Variants in NMT1 observed in about 807,000 individuals in gnomAD.
NMT1 encodes the protein glycylpeptide N-tetradecanoyltransferase 1.
Under a neutral mutation model 63.4 loss-of-function variants are expected in NMT1, and 12 were observed. The observed-to-expected ratio is 0.19, with a 90% CI of 0.12 to 0.31. The LOEUF (loss-of-function observed/expected upper bound fraction) is 0.31. Ranked by LOEUF, NMT1 falls within the 10% of genes least tolerant of loss-of-function variation. The pLI is 1.00. For missense variants in NMT1, 432 were observed against 634.6 expected, an observed-to-expected ratio of 0.68 and a Z score of 3.43; for synonymous variants, 228 against 234.3, an observed-to-expected ratio of 0.97 and a Z score of 0.25.
rs769861451 is a variant in NMT1 at position 45,103,986 on chromosome 17, C to T, written c.1332+110C>T. 1.9e-6 allele frequency: 3 copies of T among 1,599,122 alleles called. No homozygotes were observed. The African/African-American group carries it at 4.0e-5, about 21-fold the overall frequency. On this transcript the variant is annotated intron_variant, in intron 10 of 11. Coordinates refer to ENST00000258960, the MANE Select transcript of NMT1 (RefSeq NM_021079.5). This position sits in a 1 kb window ranked among gnomAD's most constrained non-coding sequence, Gnocchi z 4.8. ...TCCCATGGGCTGGAGGCTCTGAGCC[C>T]TCCTCATCTGTTCTGCTTAGGCAGG...
chr17:45,102,400 C>A (rs1176280181), intron 8 of NMT1, among the ~76,000 whole-genome samples: 1 of 152,204 alleles, frequency 6.6e-6, no homozygotes, highest in South Asian at 2.1e-4. Context: ...TGGGAGTATG[C>A]TGCTTTTCTT....
At chr17:45,089,498 C>T (rs905606054) in intron 3 of NMT1, among the ~76,000 whole-genome samples, 2 of 152,008 alleles carry the variant, frequency 1.3e-5, no homozygotes, top group Admixed American at 6.6e-5. Flanking sequence ...CCCACCACCA[C>T]GCCCGGCTAA....
chr17:45,081,689 G>T lies in NMT1; in HGVS notation c.177G>T (p.Lys59Asn). Reference protein sequence around the residue: ...ANDTGAKKKKKKQKKKKEKGS... With the variant: ...ANDTGAKKKKNKQKKKKEKGS... ...ACACTGGAGCCAAAAAGAAGAAAAA[G>T]AAACAAAAAAAGAAGAAAGAAAAAG... Residue 59 changes from lysine to asparagine, a missense_variant, in exon 2 of 12, where the codon AAG becomes AAT. Lys to Asn is a moderately conservative substitution (Grantham distance 94). Transcript: ENST00000258960. 6.2e-7 allele frequency: 1 copy of T among 1,612,936 alleles called. No homozygotes were observed. The highest frequency in any genetic ancestry group is 8.5e-7 in the Non-Finnish European group (1 of 1,179,398).
chr17:45,105,074 G>T lies in NMT1; in HGVS notation c.1470+78G>T. Reference sequence around the variant, plus strand: ...TCCAGCAGAAACCGGGCCATGGGTTGAGGAGACAGCCGCAGTCTGGGTCCT... The same window carrying T: ...TCCAGCAGAAACCGGGCCATGGGTTTAGGAGACAGCCGCAGTCTGGGTCCT... On this transcript the variant is annotated intron_variant, in intron 11 of 11. Transcript: ENST00000258960. The surrounding 1 kb of genome is among the most constrained non-coding windows in gnomAD (Gnocchi z 4.2). 4 of 1,584,008 alleles carry T rather than the reference G, an allele frequency of 2.5e-6. No homozygotes were observed. Among genetic ancestry groups the T allele is most frequent in the Non-Finnish European group, 3.4e-6 (4 of 1,159,822 alleles).
At position 45,105,792 on chromosome 17, in the gene NMT1, A is replaced by C; in HGVS notation, c.*153A>C. On this transcript the variant is annotated 3_prime_UTR_variant, in exon 12 of 12. Coordinates refer to ENST00000258960, the MANE Select transcript of NMT1 (RefSeq NM_021079.5). The surrounding 1 kb of genome is among the most constrained non-coding windows in gnomAD (Gnocchi z 4.2). Reference sequence around the variant, plus strand: ...TTACCAAACCGCCAGCGAACTTGACAATTGTATTGCGATGGCGTGGGCTGC... The same window carrying C: ...TTACCAAACCGCCAGCGAACTTGACCATTGTATTGCGATGGCGTGGGCTGC... 1 of 690,262 alleles carries C rather than the reference A, an allele frequency of 1.4e-6. No homozygotes were observed. The highest frequency in any genetic ancestry group is 2.4e-6 in the Non-Finnish European group (1 of 415,742). 42.8% of individuals were successfully genotyped at this position (690,262 alleles called of 1,614,324 possible).
chr17:45,105,723 C>CGTGTGTGAAAATTGG lies in NMT1; in HGVS notation c.*84_*85insGTGTGTGAAAATTGG. ...CCCACCACTGTTGGTCCAATTTTCA[C>CGTGTGTGAAAATTGG]ACACGTGAGAATCCCTGGCAAAGGG... On this transcript the variant is annotated 3_prime_UTR_variant, in exon 12 of 12. Coordinates refer to ENST00000258960, the MANE Select transcript of NMT1 (RefSeq NM_021079.5). This position sits in a 1 kb window ranked among gnomAD's most constrained non-coding sequence, Gnocchi z 4.2. 1.5e-6 allele frequency: 2 copies of CGTGTGTGAAAATTGG among 1,377,650 alleles called. No individual in the cohort carries two copies. The highest frequency in any genetic ancestry group is 1.2e-5 in the South Asian group (1 of 84,462). The allele number at this position is 1,377,650 out of a possible 1,614,324, so 85.3% of individuals were successfully genotyped here. A position where few individuals can be genotyped will look rare whatever the true frequency, so the allele number is the denominator to read the frequency against.
intron 1 of NMT1, among the ~76,000 whole-genome samples, chr17:45,075,846 G>A (rs931823576): frequency 6.6e-6 from 1 of 152,026 alleles, no homozygotes; most frequent in Non-Finnish European, 1.5e-5. Context: ...GAGGCAGGCA[G>A]ATCACCTGAA....
Position 45,105,582 on chromosome 17 carries a change from T to G in NMT1, c.1471-37T>G. On this transcript the variant is annotated intron_variant, in intron 11 of 11. Transcript: ENST00000258960. This position sits in a 1 kb window ranked among gnomAD's most constrained non-coding sequence, Gnocchi z 4.2. ...GTGTGGGAGAGTCTTTGGGCCACTG[T>G]CAACTCAGCTCTGCCTCTCCCTGTT... is the stretch of plus-strand genomic sequence containing the variant. 1 of 1,612,398 alleles carries G rather than the reference T, an allele frequency of 6.2e-7. No homozygotes were observed.
chr17:45,100,893 A>AAG, intron 8 of NMT1, among the ~76,000 whole-genome samples: 1 of 120,178 alleles, frequency 8.3e-6, no homozygotes, highest in African/African-American at 3.3e-5. Flanking sequence ...AAAAAAAAAA[A>AAG]AAAGAAGGCC....
intron 8 of NMT1, among the ~76,000 whole-genome samples, chr17:45,101,672 G>A (rs1207628288): frequency 2.7e-5 from 4 of 149,378 alleles, no homozygotes; most frequent in East Asian, 2.0e-4. Context: ...CTCTTTCCTC[G>A]GAGTGCTTCT....
Position 45,096,259 on chromosome 17 carries a change from T to C in NMT1, c.570T>C (p.Phe190=), listed in dbSNP as rs759459614. ...AAGATGATGACAACATGTTCCGATT[T>C]GATTATTCCCCGGAGTTTCTTTTGT... is the stretch of plus-strand genomic sequence containing the variant. ...YVEDDDNMFR[F]DYSPEFLLWA... is the part of the protein sequence containing the mutation. The change falls in exon 5 of 12, where the codon TTT becomes TTC. Residue 190 remains phenylalanine, a synonymous_variant. Transcript: ENST00000258960. The C allele has an allele frequency of 1.2e-6, 2 of 1,614,136 alleles. No individual in the cohort carries two copies. Among genetic ancestry groups the C allele is most frequent in the South Asian group, 2.2e-5 (2 of 91,080 alleles).
intron 1 of NMT1, among the ~76,000 whole-genome samples, chr17:45,062,654 C>T (rs957596382): frequency 3.9e-5 from 6 of 152,200 alleles, no homozygotes; most frequent in Non-Finnish European, 7.3e-5. Flanking sequence ...TAACATGCAG[C>T]AGCCTATTGC....
At chr17:45,084,451 C>T (rs565986003) in intron 2 of NMT1, among the ~76,000 whole-genome samples, 1 of 151,692 alleles carries the variant, frequency 6.6e-6, no homozygotes, top group Non-Finnish European at 1.5e-5. Flanking sequence ...TCTCCTGCCT[C>T]AGCCTCCCGA....
At position 45,061,350 on chromosome 17, in the gene NMT1, A is replaced by T. The variant is rs763334167; in HGVS notation, c.21A>T (p.Thr7=). The T allele has an allele frequency of 6.2e-7, 1 of 1,613,868 alleles. No individual in the cohort carries two copies. Among genetic ancestry groups the T allele is most frequent in the Admixed American group, 1.7e-5 (1 of 59,948 alleles). The change falls in exon 1 of 12, where the codon ACA becomes ACT. Residue 7 remains threonine, a synonymous_variant. Coordinates refer to ENST00000258960, the MANE Select transcript of NMT1 (RefSeq NM_021079.5). ...TCAAGATGGCGGACGAGAGTGAGAC[A>T]GCAGTGAAGCCGCCGGCACCTCCGC... MADESE[T]AVKPPAPPLP...
chr17:45,067,106 T>G (rs2053908016), intron 1 of NMT1, among the ~76,000 whole-genome samples: 1 of 152,096 alleles, frequency 6.6e-6, no homozygotes, highest in South Asian at 2.1e-4. Flanking sequence ...GAGAGTCAGA[T>G]AAGATAACCT....
chr17:45,107,226 G>A lies in NMT1; in HGVS notation c.*1587G>A, dbSNP rs2054208199. 1 of 152,224 alleles carries A rather than the reference G, an allele frequency of 6.6e-6. No individual in the cohort carries two copies. Among genetic ancestry groups the A allele is most frequent in the Non-Finnish European group, 1.5e-5 (1 of 68,078 alleles). The allele number at this position is 152,224 out of a possible 1,614,324, so 9.4% of individuals were successfully genotyped here. On this transcript the variant is annotated 3_prime_UTR_variant, in exon 12 of 12. Coordinates refer to ENST00000258960, the MANE Select transcript of NMT1 (RefSeq NM_021079.5). ...TGGGTTTTGGTGTGGTTTGTCAGAG[G>A]CTAATTCTGCAGAGTTTCCAAAACC...
chr17:45,076,404 C>T (rs988553333), intron 1 of NMT1, among the ~76,000 whole-genome samples: 2 of 150,120 alleles, frequency 1.3e-5, no homozygotes, highest in African/African-American at 2.5e-5. Context: ...TGTGTCCTCA[C>T]GGATGGGGCT....
At chr17:45,088,186 G>T (rs1262966226) in intron 3 of NMT1, among the ~76,000 whole-genome samples, 2 of 152,146 alleles carry the variant, frequency 1.3e-5, no homozygotes, top group Non-Finnish European at 2.9e-5. Flanking sequence ...CATCGGCCAG[G>T]TCCCAGGCCC....
Position 45,104,083 on chromosome 17 carries a change from C to A in NMT1, c.1332+207C>A. 6.7e-7 allele frequency: 1 copy of A among 1,492,830 alleles called. No individual in the cohort carries two copies. The highest frequency in any genetic ancestry group is 8.9e-7 in the Non-Finnish European group (1 of 1,122,984). 92.5% of individuals were successfully genotyped at this position (1,492,830 alleles called of 1,614,324 possible). A position where few individuals can be genotyped will look rare whatever the true frequency, so the allele number is the denominator to read the frequency against. On this transcript the variant is annotated intron_variant, in intron 10 of 11. Transcript: ENST00000258960. This position sits in a 1 kb window ranked among gnomAD's most constrained non-coding sequence, Gnocchi z 4.2. Reference sequence around the variant, plus strand: ...GAGCATCCGAAGTGAAGGCATTGAACTCCTCCTGATTCATTTCAGTGAGTT... The same window carrying A: ...GAGCATCCGAAGTGAAGGCATTGAAATCCTCCTGATTCATTTCAGTGAGTT...
Sources: allele counts gnomAD v4.1 joint callset (sites outside exome capture counted in the v4.1 genomes callset), GRCh38; gene constraint gnomAD v4.1.1; non-coding constraint Gnocchi (gnomAD v3.1); transcripts MANE v1.5; gene names NCBI Gene and HGNC (gene_info 2026-07-23, HGNC 2026-07-21).